The following IQCE variants were observed in gnomAD, a reference collection of about 807,000 sequenced individuals.
IQCE encodes IQ motif containing E.
A neutral mutation model predicts 96.0 loss-of-function variants in IQCE; 115 were observed. The ratio of observed to expected loss-of-function variants is 1.20; its 90% CI spans 1.03 to 1.40. IQCE has a LOEUF of 1.40. IQCE is among the 40% of genes most tolerant of loss of function. IQCE has a pLI of 0.00. For missense variants in IQCE, 1,041 were observed against 909.1 expected (o/e 1.15, Z -1.87); for synonymous variants, 412 against 371.2 (o/e 1.11, Z -1.26).
rs138146053 is a variant in IQCE at position 2,573,517 on chromosome 7, T to C, written c.465+29T>C. ...GTATTTCGGTTTGTTCTCTATTGATTTGAAACGGTGAAAGCTTCCTATAAC... is the reference window on the plus strand; with the variant it reads ...GTATTTCGGTTTGTTCTCTATTGATCTGAAACGGTGAAAGCTTCCTATAAC... On this transcript the variant is annotated intron_variant, in intron 6 of 21. Coordinates refer to ENST00000402050, the MANE Select transcript of IQCE (RefSeq NM_152558.5). The C allele has an allele frequency of 1.8e-5, 22 of 1,214,948 alleles. No homozygotes were observed. In the East Asian group the frequency reaches 4.6e-4, roughly 26 times the overall value. The allele number at this position is 1,214,948 out of a possible 1,614,324, so 75.3% of individuals were successfully genotyped here.
At chr7:2,567,049 T>C (rs1781426444) in intron 1 of IQCE, 67 bp from the exon 2 acceptor site, 6 of 1,423,356 alleles carry the variant, frequency 4.2e-6, no homozygotes, top group Non-Finnish European at 5.9e-6. Context: ...TTTTCGCTTT[T>C]GTAAACGTGA....
At chr7:2,588,017 A>G (rs1783262347) in intron 13 of IQCE, 140 bp downstream of exon 13, 1 of 802,046 alleles carries the variant, frequency 1.2e-6, no homozygotes, top group South Asian at 1.4e-5. Flanking sequence ...CCGCAAGGAG[A>G]CTTCTTCCAG....
chr7:2,602,709 T>A (rs1242612653), intron 18 of IQCE, among the ~76,000 whole-genome samples: 1 of 152,152 alleles, frequency 6.6e-6, no homozygotes, highest in Non-Finnish European at 1.5e-5. Flanking sequence ...TCCACAAGTG[T>A]TTGCTGGGCT....
At chr7:2,565,486 G>C (rs1781306619) in intron 1 of IQCE, among the ~76,000 whole-genome samples, 2 of 152,122 alleles carry the variant, frequency 1.3e-5, no homozygotes, top group Non-Finnish European at 2.9e-5. Context: ...TTGAATTTCA[G>C]GTCATTCAAA....
chr7:2,561,393 C>T (rs1780943862), intron 1 of IQCE, among the ~76,000 whole-genome samples: 1 of 151,730 alleles, frequency 6.6e-6, no homozygotes, highest in Non-Finnish European at 1.5e-5. Context: ...AATTTCATTT[C>T]AGCTTATTTA....
At chr7:2,606,115 C>A in intron 20 of IQCE, 118 bp downstream of exon 20, 2 of 1,275,700 alleles carry the variant, frequency 1.6e-6, no homozygotes, top group East Asian at 2.9e-5. Context: ...CGCCTGCCGC[C>A]TGCCAGCGGG....
chr7:2,578,068 T>TGCGCGGGGACGTGTGTGCGGCGTGC (rs1465998058), intron 6 of IQCE, among the ~76,000 whole-genome samples, 174 bp from the exon 7 acceptor site: 1 of 56,152 alleles, frequency 1.8e-5, no homozygotes, highest in African/African-American at 8.6e-5. Flanking sequence ...CGTGGCTGTG[T>TGCGCGGGGACGTGTGTGCGGCGTGC]GCGCGGGGAC....
Position 2,601,425 on chromosome 7 carries a change from CTTT to C in IQCE, c.1609-7_1609-5del. 5 of 1,229,232 alleles carry C rather than the reference CTTT, an allele frequency of 4.1e-6. No homozygotes were observed. Among genetic ancestry groups the C allele is most frequent in the Non-Finnish European group, 4.5e-6 (4 of 894,140 alleles). 76.1% of individuals were successfully genotyped at this position (1,229,232 alleles called of 1,614,324 possible). A position where few individuals can be genotyped will look rare whatever the true frequency, so the allele number is the denominator to read the frequency against. On this transcript the variant is annotated splice_polypyrimidine_tract_variant and intron_variant, in intron 17 of 21. Transcript: ENST00000402050. ...GTGTTAATTCATGTATTTTTTCTTT[CTTT>C]TTTTTTTTCCAGAAAAAAAAGGCTG...
intron 20 of IQCE, 133 bp downstream of exon 20, chr7:2,606,130 C>T (rs887687558): frequency 3.6e-6 from 4 of 1,124,832 alleles, no homozygotes; most frequent in Non-Finnish European, 4.8e-6. Context: ...AGCGGGACCT[C>T]GGTTTGGAGC....
chr7:2,589,764 TG>T, intron 13 of IQCE, 142 bp from the exon 14 acceptor site: 2 of 709,006 alleles, frequency 2.8e-6, no homozygotes, highest in Non-Finnish European at 4.8e-6. Flanking sequence ...GCAGCTTCTC[TG>T]GGTAACTCGG....
chr7:2,598,990 C>T lies in IQCE; in HGVS notation c.1608+358C>T, dbSNP rs117888183. Among the ~76,000 whole-genome samples, 1,475 of 152,348 alleles carry T rather than the reference C, an allele frequency of 9.7e-3. 12 individuals carry two copies. The highest frequency in any genetic ancestry group is 0.015 in the Non-Finnish European group (1,044 of 68,028). Reference sequence around the variant, plus strand: ...CTAGGGCTGCCAGCAGTTTTACATCCTCACCTAACGGCCCTTCCTATTCAC... The same window carrying T: ...CTAGGGCTGCCAGCAGTTTTACATCTTCACCTAACGGCCCTTCCTATTCAC... On this transcript the variant is annotated intron_variant, in intron 17 of 21. Coordinates refer to ENST00000402050, the MANE Select transcript of IQCE (RefSeq NM_152558.5).
At chr7:2,588,798 T>G (rs1235930182) in intron 13 of IQCE, among the ~76,000 whole-genome samples, 1 of 150,842 alleles carries the variant, frequency 6.6e-6, no homozygotes, top group African/African-American at 2.4e-5. Flanking sequence ...CACCAGTAGC[T>G]GGGATTACAG....
At position 2,582,648 on chromosome 7, in the gene IQCE, C is replaced by T. The variant is rs1782767536; in HGVS notation, c.699C>T (p.Ile233=). The T allele has an allele frequency of 3.1e-6, 5 of 1,613,328 alleles. No homozygotes were observed. Among genetic ancestry groups the T allele is most frequent in the Non-Finnish European group, 4.2e-6 (5 of 1,179,450 alleles). Residue 233 remains isoleucine (I), a splice_region_variant and synonymous_variant, in exon 9 of 22, where the codon ATC becomes ATT. Coordinates refer to ENST00000402050, the MANE Select transcript of IQCE (RefSeq NM_152558.5). The part of the protein sequence containing the change: ...EQQCKEKDGT[I]SKLQTDMKTT... ...AGTGCAAGGAGAAGGACGGCACCAT[C>T]AGGTGGGCGCAGGGCTGCACCCTCT...
At position 2,578,517 on chromosome 7, in the gene IQCE, T is replaced by A; in HGVS notation, c.621T>A (p.Asp207Glu). ...FVRTLAEKRPDASWVINGLKQ... is the reference protein window; with the variant it reads ...FVRTLAEKRPEASWVINGLKQ... ...GGACTCTGGCAGAGAAAAGGCCCGA[T>A]GCCAGTTGGGTGAGTATGGTGTGTG... Residue 207 changes from aspartate (D) to glutamate (E), a missense_variant, in exon 8 of 22, where the codon GAT becomes GAA. By Grantham distance (45) the Asp-to-Glu change is conservative. Coordinates refer to ENST00000402050, the MANE Select transcript of IQCE (RefSeq NM_152558.5). 6.2e-7 allele frequency: 1 copy of A among 1,614,186 alleles called. No individual in the cohort carries two copies. Among genetic ancestry groups the A allele is most frequent in the Non-Finnish European group, 8.5e-7 (1 of 1,180,016 alleles).
At chr7:2,588,654 G>GTTTTAT (rs1783324540) in intron 13 of IQCE, among the ~76,000 whole-genome samples, 1 of 49,750 alleles carries the variant, frequency 2.0e-5, no homozygotes, top group African/African-American at 8.7e-5. Flanking sequence ...TGCCTGGCTG[G>GTTTTAT]TTTTTTTTTT....
chr7:2,560,403 G>A (rs1780856576), intron 1 of IQCE, among the ~76,000 whole-genome samples: 1 of 152,252 alleles, frequency 6.6e-6, no homozygotes, highest in Admixed American at 6.5e-5. Flanking sequence ...CAAGGGAACT[G>A]TGCTCACCTT....
intron 6 of IQCE, among the ~76,000 whole-genome samples, chr7:2,577,424 C>T (rs1217205797): frequency 8.3e-6 from 1 of 120,810 alleles, no homozygotes; most frequent in African/African-American, 3.2e-5. Flanking sequence ...GACGTGTGTG[C>T]GGCGTGCACG....
At chr7:2,577,604 C>T (rs1253585097) in intron 6 of IQCE, among the ~76,000 whole-genome samples, 1 of 122,666 alleles carries the variant, frequency 8.2e-6, no homozygotes, top group African/African-American at 3.2e-5. Context: ...GTGTGCGTGG[C>T]TGTGCGCGCG....
At chr7:2,578,630 C>T in intron 8 of IQCE, 104 bp downstream of exon 8, 1 of 1,285,388 alleles carries the variant, frequency 7.8e-7, no homozygotes, top group Non-Finnish European at 1.1e-6. Flanking sequence ...TGAAGAGCAG[C>T]AGGCAGGGGG....
Sources: gnomAD v4.1 joint callset for allele counts (sites outside exome capture counted in the v4.1 genomes callset) on GRCh38, gnomAD v4.1.1 for gene constraint, MANE v1.5 for transcripts, NCBI Gene and HGNC (gene_info 2026-07-23, HGNC 2026-07-21) for gene names.